UBAC2: variants seen among roughly 807,000 people sequenced by gnomAD.
UBAC2 encodes the protein UBA domain containing 2.
A neutral mutation model predicts 44.0 loss-of-function variants in UBAC2; 26 were observed. That is an observed-to-expected ratio of 0.59 (90% CI 0.43 to 0.82). The LOEUF (loss-of-function observed/expected upper bound fraction) is 0.82, where lower values mean the gene tolerates loss of function less well. UBAC2 is among the 40% of genes least tolerant of loss of function. UBAC2 has a pLI of 0.00. For synonymous variants in UBAC2, 155 were observed against 154.3 expected (o/e 1.00, Z -0.04); for missense variants, 329 against 419.4 (o/e 0.78, Z 1.88).
At chr13:99,233,189 T>G (rs988072751) in intron 1 of UBAC2, among the ~76,000 whole-genome samples, 2 of 151,026 alleles carry the variant, frequency 1.3e-5, no homozygotes, top group Non-Finnish European at 2.9e-5. Flanking sequence ...CTCGGCTCAC[T>G]GCAACCTCCA....
intron 1 of UBAC2, among the ~76,000 whole-genome samples, chr13:99,210,327 C>T (rs998258334): frequency 1.3e-5 from 2 of 152,076 alleles, no homozygotes; most frequent in African/African-American, 2.4e-5. Context: ...GGTGTTTCTG[C>T]TGTTTTTCCA....
At chr13:99,345,546 A>C (rs1400359033) in intron 7 of UBAC2, among the ~76,000 whole-genome samples, 1 of 151,972 alleles carries the variant, frequency 6.6e-6, no homozygotes, top group African/African-American at 2.4e-5. Context: ...TTTTCACGTT[A>C]GACACCCAAG....
At chr13:99,242,840 G>GGCT (rs1220103501) in intron 2 of UBAC2, among the ~76,000 whole-genome samples, 485 of 140,802 alleles carry the variant, frequency 3.4e-3, no homozygotes, top group South Asian at 6.6e-3. Context: ...CAGACGGGGC[G>GGCT]GCCGGGCAGA....
At chr13:99,264,788 C>T (rs966756319) in intron 4 of UBAC2, among the ~76,000 whole-genome samples, 9 of 152,236 alleles carry the variant, frequency 5.9e-5, no homozygotes, top group African/African-American at 1.9e-4. Context: ...GGATAGGAGC[C>T]GGCAGGATAG....
intron 4 of UBAC2, among the ~76,000 whole-genome samples, chr13:99,247,195 G>GTTTTTTT (rs397947831): frequency 1.0e-5 from 1 of 95,320 alleles, no homozygotes; most frequent in African/African-American, 2.8e-5. Flanking sequence ...GAAAACTACT[G>GTTTTTTT]TTTTTTTTTT....
chr13:99,223,502 G>T (rs2043073926), intron 1 of UBAC2, among the ~76,000 whole-genome samples: 1 of 110,998 alleles, frequency 9.0e-6, no homozygotes, highest in African/African-American at 3.5e-5. Flanking sequence ...CTTTATATCT[G>T]CTTGCTTAGG....
chr13:99,320,989 A>C (rs1037138386), intron 6 of UBAC2, among the ~76,000 whole-genome samples: 1 of 152,252 alleles, frequency 6.6e-6, no homozygotes, highest in Non-Finnish European at 1.5e-5. Context: ...AAAGAAATGC[A>C]CAGATAATTA....
chr13:99,224,964 C>T (rs1394142502), intron 1 of UBAC2, among the ~76,000 whole-genome samples: 1 of 152,086 alleles, frequency 6.6e-6, no homozygotes, highest in East Asian at 1.9e-4. Flanking sequence ...TGTATTATTG[C>T]TTTCCACATA....
chr13:99,381,592 T>G (rs1330389294), intron 8 of UBAC2, among the ~76,000 whole-genome samples: 1 of 152,194 alleles, frequency 6.6e-6, no homozygotes, highest in East Asian at 1.9e-4. Context: ...AGCTCCCGTT[T>G]GGCCTGAGTT....
intron 7 of UBAC2, among the ~76,000 whole-genome samples, chr13:99,363,352 T>C (rs1566523109): frequency 6.6e-6 from 1 of 152,224 alleles, no homozygotes; most frequent in Non-Finnish European, 1.5e-5. Context: ...CACCAAAATA[T>C]ACACATGTGC....
rs953249356 is a variant in UBAC2 at position 99,345,054 on chromosome 13, C to T, written c.807+4489C>T. On this transcript the variant is annotated intron_variant, in intron 7 of 8. Transcript: ENST00000403766. The stretch of plus-strand genomic sequence containing the variant: ...AAAAAGATTTCAGGAAGTAGAAGGA[C>T]GGGTGGAATTTGGATGGGTGGAGAG... 5.3e-5 allele frequency among the ~76,000 whole-genome samples: 8 copies of T among 152,152 alleles called. No individual in the cohort carries two copies. The South Asian group carries it at 8.3e-4, about 16-fold the overall frequency.
At chr13:99,339,376 T>C (rs1362491039) in intron 6 of UBAC2, among the ~76,000 whole-genome samples, 1 of 152,228 alleles carries the variant, frequency 6.6e-6, no homozygotes, top group African/African-American at 2.4e-5. Context: ...AGAAATAGTT[T>C]TATGTGTTGA....
intron 8 of UBAC2, among the ~76,000 whole-genome samples, chr13:99,380,440 G>T (rs2045536713): frequency 6.6e-6 from 1 of 152,152 alleles, no homozygotes; most frequent in Non-Finnish European, 1.5e-5. Flanking sequence ...CCACCAAAGA[G>T]CCCTACAGAC....
At chr13:99,297,583 G>A (rs2044195578) in intron 4 of UBAC2, among the ~76,000 whole-genome samples, 1 of 151,996 alleles carries the variant, frequency 6.6e-6, no homozygotes. Flanking sequence ...TATGCATTCT[G>A]TACAGTGTTG....
intron 6 of UBAC2, among the ~76,000 whole-genome samples, chr13:99,334,248 C>T (rs2044756245): frequency 6.6e-6 from 1 of 151,980 alleles, no homozygotes; most frequent in Admixed American, 6.6e-5. Flanking sequence ...GGCGTGAGCA[C>T]AGAAAAACCA....
chr13:99,268,965 A>C (rs1469662944), intron 4 of UBAC2, among the ~76,000 whole-genome samples: 2 of 152,172 alleles, frequency 1.3e-5, no homozygotes, highest in African/African-American at 2.4e-5. Flanking sequence ...CTGCCCAGTG[A>C]AAGAGGAGTT....
At chr13:99,279,143 C>T (rs2043921147) in intron 4 of UBAC2, among the ~76,000 whole-genome samples, 1 of 152,152 alleles carries the variant, frequency 6.6e-6, no homozygotes. Context: ...CCTTTTCCCC[C>T]TTTTCTTACC....
chr13:99,257,280 A>G (rs1594057835), intron 4 of UBAC2, among the ~76,000 whole-genome samples: 1 of 152,242 alleles, frequency 6.6e-6, no homozygotes, highest in African/African-American at 2.4e-5. Context: ...CTCTAGTGTC[A>G]TTCAAAGGAG....
chr13:99,253,871 C>T (rs967340417), intron 4 of UBAC2, among the ~76,000 whole-genome samples: 1 of 152,166 alleles, frequency 6.6e-6, no homozygotes, highest in African/African-American at 2.4e-5. Context: ...AGGATATGAT[C>T]ATGTTAAGAG....
Sources: allele counts gnomAD v4.1 joint callset (sites outside exome capture counted in the v4.1 genomes callset), GRCh38; gene constraint gnomAD v4.1.1; transcripts MANE v1.5; gene names NCBI Gene and HGNC (gene_info 2026-07-23, HGNC 2026-07-21).